Variants in ITPKB observed in about 807,000 individuals in gnomAD.
ITPKB encodes IP3 3-kinase B.
A neutral mutation model predicts 69.4 loss-of-function variants in ITPKB; 13 were observed. The ratio of observed to expected loss-of-function variants is 0.19; its 90% CI spans 0.12 to 0.30. The LOEUF is 0.30. Ranked by LOEUF, ITPKB falls within the 10% of genes least tolerant of loss-of-function variation. The pLI is 1.00. For synonymous variants in ITPKB, 584 were observed against 513.7 expected, an observed-to-expected ratio of 1.14 and a Z score of -1.85; for missense variants, 1,240 against 1,250.5, an observed-to-expected ratio of 0.99 and a Z score of 0.13.
In ITPKB at chr1:226,738,495, C is replaced by T. The variant is rs970541826; in HGVS notation, c.-206+546G>A. ...GTGTGTATACACGCGTGTGTGTATA[C>T]GCCGCACGCGCGCGGAGCGAGTCCG... On this transcript the variant is annotated intron_variant, in intron 1 of 7. Transcript: ENST00000429204. The surrounding 1 kb of genome is among the most constrained non-coding windows in gnomAD (Gnocchi z 4.2). Among the ~76,000 whole-genome samples, 2 of 152,076 alleles carry T rather than the reference C, an allele frequency of 1.3e-5. No individual in the cohort carries two copies. Among genetic ancestry groups the T allele is most frequent in the South Asian group, 4.2e-4 (2 of 4,790 alleles).
intron 2 of ITPKB, among the ~76,000 whole-genome samples, chr1:226,663,005 T>C (rs1393612873): frequency 6.6e-6 from 1 of 152,144 alleles, no homozygotes; most frequent in Non-Finnish European, 1.5e-5. Flanking sequence ...CAGTCATGCA[T>C]CTGTTCACGT....
intron 2 of ITPKB, among the ~76,000 whole-genome samples, chr1:226,717,352 C>A (rs1187739435): frequency 6.6e-6 from 1 of 152,160 alleles, no homozygotes; most frequent in Non-Finnish European, 1.5e-5. Context: ...ATTACATACC[C>A]CATGTTTCTT....
intron 2 of ITPKB, among the ~76,000 whole-genome samples, chr1:226,655,246 T>C (rs1669267380): frequency 6.6e-6 from 1 of 152,120 alleles, no homozygotes; most frequent in Non-Finnish European, 1.5e-5. Context: ...AAAATGAAAA[T>C]GAGGGGTCCC....
At chr1:226,728,386 T>C (rs1657485823) in intron 2 of ITPKB, among the ~76,000 whole-genome samples, 1 of 151,936 alleles carries the variant, frequency 6.6e-6, no homozygotes, top group Non-Finnish European at 1.5e-5. Flanking sequence ...CTTAATGGAG[T>C]TGTTGAGAAA....
chr1:226,720,969 G>A (rs1301448056), intron 2 of ITPKB, among the ~76,000 whole-genome samples: 1 of 150,788 alleles, frequency 6.6e-6, no homozygotes, highest in Admixed American at 6.6e-5. Context: ...TTGAACCCGG[G>A]CAGCAGAGGT....
In ITPKB at chr1:226,658,311, C is replaced by T. The variant is rs572995916; in HGVS notation, c.1933-9540G>A. 4.4e-4 allele frequency among the ~76,000 whole-genome samples: 67 copies of T among 152,282 alleles called. No individual in the cohort carries two copies. The South Asian group carries it at 1.0e-2, about 23-fold the overall frequency. On this transcript the variant is annotated intron_variant, in intron 2 of 7. Coordinates refer to ENST00000429204, the MANE Select transcript of ITPKB (RefSeq NM_002221.4). ...CCCTGGCAGGGCCCAGCTGGGTTGG[C>T]GGCAGCTGGGTACAAGCCCAGGCAG...
Position 226,700,666 on chromosome 1 carries a change from A to AT in ITPKB, c.1932+34860dup. 2.0e-5 allele frequency among the ~76,000 whole-genome samples: 3 copies of AT among 152,208 alleles called. No homozygotes were observed. In the South Asian group the frequency reaches 6.2e-4, roughly 32 times the overall value. ...CACAGAAAATAGCTTGCCTAGAATGATATTAGTGATTGGCCAGGCTAGGAT... is the reference window on the plus strand; with the variant it reads ...CACAGAAAATAGCTTGCCTAGAATGATTATTAGTGATTGGCCAGGCTAGGAT... On this transcript the variant is annotated intron_variant, in intron 2 of 7. Transcript: ENST00000429204.
chr1:226,720,298 G>A (rs1392702911), intron 2 of ITPKB, among the ~76,000 whole-genome samples: 1 of 152,196 alleles, frequency 6.6e-6, no homozygotes, highest in Admixed American at 6.5e-5. Context: ...CTGTGGTTCA[G>A]AGGCCCCATT....
rs1668869032 is a variant in ITPKB, at chr1:226,637,760, G to A, written c.2554-10C>T. The A allele has an allele frequency of 6.2e-7, 1 of 1,609,726 alleles. No homozygotes were observed. The highest frequency in any genetic ancestry group is 1.1e-5 in the South Asian group (1 of 90,780). Reference sequence around the variant, plus strand: ...GGTCCCGATAGGCGATCTGGGAATAGAAAGAGGACCAGATTTTTAAGCGCC... The same window carrying A: ...GGTCCCGATAGGCGATCTGGGAATAAAAAGAGGACCAGATTTTTAAGCGCC... On this transcript the variant is annotated splice_polypyrimidine_tract_variant and intron_variant, in intron 6 of 7. Transcript: ENST00000429204. This position sits in a 1 kb window ranked among gnomAD's most constrained non-coding sequence, Gnocchi z 4.3.
chr1:226,703,516 T>C (rs926997476), intron 2 of ITPKB, among the ~76,000 whole-genome samples: 2 of 152,010 alleles, frequency 1.3e-5, no homozygotes, highest in African/African-American at 4.8e-5. Context: ...ACCTCCTCTC[T>C]CCTCCCGCGC....
At chr1:226,651,304 A>C (rs1669188950) in intron 2 of ITPKB, among the ~76,000 whole-genome samples, 1 of 152,170 alleles carries the variant, frequency 6.6e-6, no homozygotes, top group Admixed American at 6.5e-5. Flanking sequence ...AGGCAGGCCA[A>C]CCTGGGCCCG....
At chr1:226,717,533 G>A (rs991163554) in intron 2 of ITPKB, among the ~76,000 whole-genome samples, 5 of 152,200 alleles carry the variant, frequency 3.3e-5, no homozygotes, top group Non-Finnish European at 4.4e-5. Context: ...CCACCATCTC[G>A]GAGGCGCCCA....
chr1:226,686,083 G>GCCCCC (rs539274340), intron 2 of ITPKB, among the ~76,000 whole-genome samples: 2 of 152,212 alleles, frequency 1.3e-5, no homozygotes, highest in Admixed American at 6.6e-5. Context: ...CAGATAAAGC[G>GCCCCC]ACCCCCCGCC....
In ITPKB at chr1:226,656,159, G is replaced by A. The variant is rs142990735; in HGVS notation, c.1933-7388C>T. ...AAGCCTTCCATTGCCCCTCCTGGGT[G>A]CTTCCAAAGAGCCCTGGGCACGCTT... On this transcript the variant is annotated intron_variant, in intron 2 of 7. Coordinates refer to ENST00000429204, the MANE Select transcript of ITPKB (RefSeq NM_002221.4). 2.6e-5 allele frequency among the ~76,000 whole-genome samples: 4 copies of A among 152,314 alleles called. No homozygotes were observed. The East Asian group carries it at 5.8e-4, about 22-fold the overall frequency.
intron 2 of ITPKB, among the ~76,000 whole-genome samples, chr1:226,690,580 A>T (rs1488839813): frequency 6.6e-6 from 1 of 152,196 alleles, no homozygotes; most frequent in Non-Finnish European, 1.5e-5. Context: ...AGAGGCTCTG[A>T]CAAGCCAGTG....
intron 2 of ITPKB, among the ~76,000 whole-genome samples, chr1:226,713,042 A>G (rs572265844): frequency 6.6e-6 from 1 of 152,126 alleles, no homozygotes; most frequent in Non-Finnish European, 1.5e-5. Flanking sequence ...CTGCACACTT[A>G]CCCATATACA....
chr1:226,670,533 C>T (rs771569307), intron 2 of ITPKB, among the ~76,000 whole-genome samples: 20 of 152,292 alleles, frequency 1.3e-4, no homozygotes, highest in East Asian at 1.2e-3. Flanking sequence ...TGGGATGGAT[C>T]GTTCAGTCCT....
In ITPKB at chr1:226,736,421, C is replaced by T. The variant is rs1173888009; in HGVS notation, c.1038G>A (p.Gln346=). 6.2e-7 allele frequency: 1 copy of T among 1,613,014 alleles called. No individual in the cohort carries two copies. Among genetic ancestry groups the T allele is most frequent in the Admixed American group, 1.7e-5 (1 of 60,032 alleles). The change falls in exon 2 of 8, where the codon CAG becomes CAA. Residue 346 remains glutamine (Q), a synonymous_variant. Coordinates refer to ENST00000429204, the MANE Select transcript of ITPKB (RefSeq NM_002221.4). ...TTGTCTCACTGCCCAGAAACTGCCC[C>T]TGCCTCTCCACCAGGGCCTCTGGGG... is the stretch of plus-strand genomic sequence containing the variant. ...LQPPEALVER[Q]GQFLGSETSP... is the part of the protein sequence containing the mutation.
chr1:226,665,625 C>A (rs1669484031), intron 2 of ITPKB, among the ~76,000 whole-genome samples: 1 of 152,134 alleles, frequency 6.6e-6, no homozygotes, highest in South Asian at 2.1e-4. Context: ...TCGGTGGTCA[C>A]CGGCGGGGGC....
Sources: gnomAD v4.1 joint callset for allele counts (sites outside exome capture counted in the v4.1 genomes callset) on GRCh38, gnomAD v4.1.1 for gene constraint, Gnocchi (gnomAD v3.1) non-coding constraint, MANE v1.5 for transcripts, NCBI Gene and HGNC (gene_info 2026-07-23, HGNC 2026-07-21) for gene names.